The following NRXN3 variants were observed in gnomAD, a reference collection of about 807,000 sequenced individuals.
NRXN3 encodes the protein neurexin 3, also known as neurexin III.
A neutral mutation model predicts 137.6 loss-of-function variants in NRXN3; 32 were observed. That is an observed-to-expected ratio of 0.23 (90% CI 0.18 to 0.31). The LOEUF (loss-of-function observed/expected upper bound fraction) is 0.31, where lower values mean the gene tolerates loss of function less well. Ranked by LOEUF, NRXN3 falls within the 10% of genes least tolerant of loss-of-function variation. The pLI, the probability that NRXN3 is intolerant of heterozygous loss-of-function variation, is 1.00. For missense variants in NRXN3, 1,574 were observed against 2,062.5 expected, an observed-to-expected ratio of 0.76 and a Z score of 4.59; for synonymous variants, 798 against 784.5, an observed-to-expected ratio of 1.02 and a Z score of -0.29.
intron 4 of NRXN3, among the ~76,000 whole-genome samples, chr14:78,440,545 G>A (rs1371977868): frequency 6.6e-6 from 1 of 152,192 alleles, no homozygotes; most frequent in Non-Finnish European, 1.5e-5. Flanking sequence ...GGTTCCTAGA[G>A]GTCGTGCAAC....
At chr14:78,588,184 A>C (rs1171912913) in intron 4 of NRXN3, among the ~76,000 whole-genome samples, 1 of 152,162 alleles carries the variant, frequency 6.6e-6, no homozygotes, top group Non-Finnish European at 1.5e-5. Flanking sequence ...ACTTCTGATC[A>C]TGTCATAGTT....
chr14:79,589,081 C>G (rs1364400378), intron 16 of NRXN3, among the ~76,000 whole-genome samples: 1 of 152,034 alleles, frequency 6.6e-6, no homozygotes, highest in Non-Finnish European at 1.5e-5. Context: ...ATGGCGAAAC[C>G]CAATCTCTAC....
chr14:79,288,398 T>G (rs1284268259), intron 15 of NRXN3, among the ~76,000 whole-genome samples: 1 of 152,178 alleles, frequency 6.6e-6, no homozygotes, highest in Non-Finnish European at 1.5e-5. Context: ...CTATTTACAG[T>G]TAGGATTTTG....
At chr14:79,751,023 C>G (rs2098995688) in intron 19 of NRXN3, among the ~76,000 whole-genome samples, 1 of 152,042 alleles carries the variant, frequency 6.6e-6, no homozygotes, top group Non-Finnish European at 1.5e-5. Flanking sequence ...CAGCTTTGTT[C>G]TTTTGGCTTA....
At chr14:78,636,097 A>G (rs2152551239) in intron 4 of NRXN3, among the ~76,000 whole-genome samples, 1 of 152,312 alleles carries the variant, frequency 6.6e-6, no homozygotes, top group East Asian at 1.9e-4. Context: ...GGTGACAACC[A>G]TAACATTTCC....
chr14:79,299,528 G>A (rs2084781997), intron 15 of NRXN3, among the ~76,000 whole-genome samples: 1 of 152,020 alleles, frequency 6.6e-6, no homozygotes, highest in South Asian at 2.1e-4. Context: ...ACAAAAACAA[G>A]ACCACCTAGT....
chr14:78,859,877 T>A (rs1464112674), intron 10 of NRXN3, among the ~76,000 whole-genome samples: 2 of 152,146 alleles, frequency 1.3e-5, no homozygotes, highest in African/African-American at 4.8e-5. Context: ...TTACTCTCAC[T>A]TTTATCCTCT....
intron 1 of NRXN3, among the ~76,000 whole-genome samples, chr14:78,235,608 A>G (rs1432554783): frequency 6.6e-6 from 1 of 152,012 alleles, no homozygotes; most frequent in Non-Finnish European, 1.5e-5. Context: ...AAAAAAAAAA[A>G]AGTGTTATAG....
At chr14:78,345,161 T>C (rs1162755850) in intron 4 of NRXN3, among the ~76,000 whole-genome samples, 1 of 151,934 alleles carries the variant, frequency 6.6e-6, no homozygotes, top group Non-Finnish European at 1.5e-5. Context: ...GGCCCACACT[T>C]GGGGGGCAGC....
chr14:79,674,384 C>A (rs1278123152), intron 17 of NRXN3, among the ~76,000 whole-genome samples: 1 of 152,000 alleles, frequency 6.6e-6, no homozygotes, highest in Non-Finnish European at 1.5e-5. Context: ...TAAACACATT[C>A]ATCGTACCTT....
intron 1 of NRXN3, among the ~76,000 whole-genome samples, chr14:78,171,848 G>A (rs927693966): frequency 6.6e-6 from 1 of 152,004 alleles, no homozygotes; most frequent in Admixed American, 6.5e-5. Flanking sequence ...ACCATTATTG[G>A]GGTTTAGGTA....
intron 1 of NRXN3, among the ~76,000 whole-genome samples, chr14:78,222,691 A>G (rs1452591630): frequency 6.6e-6 from 1 of 152,208 alleles, no homozygotes; most frequent in African/African-American, 2.4e-5. Flanking sequence ...TGATAGAAAT[A>G]ACATCCATCC....
rs557026724 is a variant in NRXN3, at chr14:78,933,789, ACT to A, written c.2276-23448_2276-23447del. 4.2e-3 allele frequency among the ~76,000 whole-genome samples: 636 copies of A among 152,062 alleles called. 5 individuals carry two copies. The highest frequency in any genetic ancestry group is 0.014 in the African/African-American group (601 of 41,462). ...TTTATGGTGAGAACATTTCACATCCACTCTCTGAGCATTTTTGAAAAATACAG... is the reference window on the plus strand; with the variant it reads ...TTTATGGTGAGAACATTTCACATCCACTCTGAGCATTTTTGAAAAATACAG... On this transcript the variant is annotated intron_variant, in intron 10 of 20. Transcript: ENST00000335750.
chr14:79,619,780 G>A (rs79290690), intron 16 of NRXN3, among the ~76,000 whole-genome samples: 2,680 of 152,034 alleles, frequency 0.018, 72 homozygotes, highest in African/African-American at 0.06. Flanking sequence ...TCTTGTCCTC[G>A]AAGATCTCCC....
At chr14:79,543,078 G>T (rs2097288774) in intron 16 of NRXN3, among the ~76,000 whole-genome samples, 1 of 152,102 alleles carries the variant, frequency 6.6e-6, no homozygotes, top group Non-Finnish European at 1.5e-5. Context: ...GGCTTCTGTA[G>T]GCTCTTATGA....
At chr14:78,903,958 A>G (rs1021488849) in intron 10 of NRXN3, among the ~76,000 whole-genome samples, 17 of 152,076 alleles carry the variant, frequency 1.1e-4, no homozygotes, top group African/African-American at 3.9e-4. Flanking sequence ...AGGGTATATC[A>G]ATAGTTCACA....
In NRXN3 at chr14:78,645,156, A is replaced by G. The variant is rs1212996221; in HGVS notation, c.794A>G (p.Glu265Gly). Residue 265 changes from glutamate (E) to glycine (G), a missense_variant, in exon 5 of 21, where the codon GAG becomes GGG. Glu to Gly is a moderately conservative substitution (Grantham distance 98). Coordinates refer to ENST00000335750, the MANE Select transcript of NRXN3 (RefSeq NM_001330195.2). The part of the protein sequence containing the change: ...EENVATFRGS[E>G]YLCYDLSQNP... ...AATGTGGCCACTTTCCGAGGCTCAG[A>G]GTATCTGTGCTACGACCTGTCTCAG... is the stretch of plus-strand genomic sequence containing the variant. The G allele has an allele frequency of 3.8e-6, 6 of 1,583,736 alleles. No homozygotes were observed. In the Admixed American group the frequency reaches 6.9e-5, roughly 18 times the overall value.
chr14:79,415,572 T>C (rs2095484831), intron 15 of NRXN3, among the ~76,000 whole-genome samples: 1 of 152,128 alleles, frequency 6.6e-6, no homozygotes, highest in South Asian at 2.1e-4. Context: ...GAAGGATAAC[T>C]GTTACTCAAA....
chr14:78,914,482 T>C (rs2099249622), intron 10 of NRXN3, among the ~76,000 whole-genome samples: 1 of 152,212 alleles, frequency 6.6e-6, no homozygotes, highest in African/African-American at 2.4e-5. Flanking sequence ...CAAGGTTTAC[T>C]ACTTTAACGA....
Sources: allele counts gnomAD v4.1 joint callset (sites outside exome capture counted in the v4.1 genomes callset), GRCh38; gene constraint gnomAD v4.1.1; transcripts MANE v1.5; gene names NCBI Gene and HGNC (gene_info 2026-07-23, HGNC 2026-07-21).